The following RYR2 variants were observed in gnomAD, a reference collection of about 807,000 sequenced individuals.
The protein encoded by RYR2 is ryanodine receptor 2, also known as cardiac muscle ryanodine receptor-calcium release channel.
A neutral mutation model predicts 601.1 loss-of-function variants in RYR2; 227 were observed. The ratio of observed to expected loss-of-function variants is 0.38; its 90% CI spans 0.34 to 0.42. RYR2 has a LOEUF of 0.42. RYR2 is among the 10% of genes least tolerant of loss of function. RYR2 has a pLI of 1.00. For synonymous variants in RYR2, 2,223 were observed against 2,175.1 expected, an observed-to-expected ratio of 1.02 and a Z score of -0.61; for missense variants, 4,646 against 6,156.5, an observed-to-expected ratio of 0.75 and a Z score of 8.21.
chr1:237,554,477 T>A (rs1670695477), intron 27 of RYR2, among the ~76,000 whole-genome samples: 1 of 151,944 alleles, frequency 6.6e-6, no homozygotes, highest in South Asian at 2.1e-4. Flanking sequence ...CTTTGTTAGA[T>A]TTTGATATCA....
chr1:237,384,897 AT>A (rs112373995), intron 8 of RYR2, among the ~76,000 whole-genome samples: 1 of 150,646 alleles, frequency 6.6e-6, no homozygotes, highest in South Asian at 2.1e-4. Context: ...TTATTATTTT[AT>A]TTTTTTTTGA....
intron 29 of RYR2, among the ~76,000 whole-genome samples, chr1:237,583,706 A>AT (rs1674186841): frequency 6.6e-6 from 1 of 152,122 alleles, no homozygotes; most frequent in Non-Finnish European, 1.5e-5. Context: ...ATTTGAAATA[A>AT]TTTATTCTTA....
intron 1 of RYR2, among the ~76,000 whole-genome samples, chr1:237,042,838 C>T (rs1322415631): frequency 6.6e-6 from 1 of 152,026 alleles, no homozygotes; most frequent in Admixed American, 6.5e-5. Context: ...GGCTCGGACC[C>T]GGGGCACCGG....
chr1:237,435,582 A>G (rs1002779805), intron 12 of RYR2, among the ~76,000 whole-genome samples: 1 of 152,186 alleles, frequency 6.6e-6, no homozygotes, highest in Admixed American at 6.5e-5. Context: ...CAGAAGATAG[A>G]GAAATTCAGT....
intron 7 of RYR2, among the ~76,000 whole-genome samples, chr1:237,377,018 A>G (rs1357803065): frequency 2.0e-5 from 3 of 152,250 alleles, no homozygotes; most frequent in Non-Finnish European, 2.9e-5. Flanking sequence ...GTGTGTAAAG[A>G]ATGAAATCAG....
chr1:237,660,638 C>G (rs1189685649), intron 55 of RYR2, among the ~76,000 whole-genome samples, 172 bp from the exon 56 acceptor site: 7 of 152,158 alleles, frequency 4.6e-5, no homozygotes, highest in Non-Finnish European at 1.0e-4. Context: ...AAAACTAGAT[C>G]TCTGCTCACA....
chr1:237,278,059 A>G (rs1558542878), intron 2 of RYR2, among the ~76,000 whole-genome samples: 1 of 151,018 alleles, frequency 6.6e-6, no homozygotes, highest in African/African-American at 2.4e-5. Context: ...TTCTTTGTGG[A>G]TTTTTTTGTT....
chr1:237,230,068 G>A (rs1684815186), intron 1 of RYR2, among the ~76,000 whole-genome samples: 1 of 152,050 alleles, frequency 6.6e-6, no homozygotes, highest in South Asian at 2.1e-4. Flanking sequence ...TTTAAAGGTG[G>A]ATAAAATGTG....
chr1:237,776,819 A>T (rs1694701514), intron 87 of RYR2, among the ~76,000 whole-genome samples: 1 of 151,936 alleles, frequency 6.6e-6, no homozygotes, highest in African/African-American at 2.4e-5. Context: ...TTTTTATCTA[A>T]CGTGCGAGCC....
chr1:237,204,844 G>T (rs143706296), intron 1 of RYR2, among the ~76,000 whole-genome samples: 83 of 152,322 alleles, frequency 5.4e-4, no homozygotes, highest in Admixed American at 7.2e-4. Context: ...GAGCTGTAGG[G>T]ATGTGGTGAT....
chr1:237,772,626 C>A (rs534685798), intron 86 of RYR2, among the ~76,000 whole-genome samples: 4 of 152,248 alleles, frequency 2.6e-5, no homozygotes, highest in African/African-American at 9.6e-5. Context: ...AAGACGTAGG[C>A]CTCTTAAATA....
intron 1 of RYR2, among the ~76,000 whole-genome samples, chr1:237,173,839 G>A (rs1437163215): frequency 8.2e-6 from 1 of 122,328 alleles, no homozygotes; most frequent in African/African-American, 2.5e-5. Context: ...GGCAGATCAC[G>A]AGGTCAGGAG....
intron 1 of RYR2, among the ~76,000 whole-genome samples, chr1:237,248,145 T>G (rs185460105): frequency 6.6e-6 from 1 of 151,682 alleles, no homozygotes; most frequent in Non-Finnish European, 1.5e-5. Context: ...GGTGGTGCAC[T>G]CCTGTAATCC....
chr1:237,778,317 CTA>C (rs1694821090), intron 87 of RYR2, among the ~76,000 whole-genome samples: 1 of 150,556 alleles, frequency 6.6e-6, no homozygotes, highest in South Asian at 2.1e-4. Context: ...AAAATAGTGA[CTA>C]TTGATTGATT....
intron 25 of RYR2, among the ~76,000 whole-genome samples, chr1:237,547,115 C>T: frequency 6.6e-6 from 1 of 151,472 alleles, no homozygotes; most frequent in East Asian, 1.9e-4. Flanking sequence ...AAGCGATTCT[C>T]CTGCCTCAGT....
At chr1:237,114,334 A>G (rs1184691463) in intron 1 of RYR2, among the ~76,000 whole-genome samples, 1 of 152,208 alleles carries the variant, frequency 6.6e-6, no homozygotes, top group Non-Finnish European at 1.5e-5. Context: ...CTAAAATTTT[A>G]GCCTTGCAAA....
chr1:237,719,907 T>A (rs1234748424), intron 73 of RYR2, among the ~76,000 whole-genome samples: 1 of 152,200 alleles, frequency 6.6e-6, no homozygotes, highest in Non-Finnish European at 1.5e-5. Context: ...GGGACACAGA[T>A]CCACACTATA....
intron 1 of RYR2, among the ~76,000 whole-genome samples, chr1:237,048,648 T>C (rs759095597): frequency 1.3e-5 from 2 of 152,162 alleles, no homozygotes; most frequent in South Asian, 2.1e-4. Context: ...ATTTTACCTT[T>C]CTCCGACCAT....
chr1:237,440,198 TG>T (rs1707780655), intron 12 of RYR2, among the ~76,000 whole-genome samples: 1 of 152,314 alleles, frequency 6.6e-6, no homozygotes, highest in East Asian at 1.9e-4. Context: ...GCAAATGACA[TG>T]AAAAATCTGT....
Sources: gnomAD v4.1 joint callset for allele counts (sites outside exome capture counted in the v4.1 genomes callset) on GRCh38, gnomAD v4.1.1 for gene constraint, MANE v1.5 for transcripts, NCBI Gene and HGNC (gene_info 2026-07-23, HGNC 2026-07-21) for gene names.